SNX25: variants seen among roughly 807,000 people sequenced by gnomAD.
SNX25 encodes the protein sorting nexin 25.
Under a neutral mutation model 113.7 loss-of-function variants are expected in SNX25, and 62 were observed. The observed-to-expected ratio is 0.55, with a 90% CI of 0.44 to 0.67. SNX25 has a LOEUF of 0.67. SNX25 is among the 30% of genes least tolerant of loss of function. SNX25 has a pLI of 0.00. For synonymous variants in SNX25, 421 were observed against 436.2 expected (o/e 0.97, Z 0.43); for missense variants, 1,014 against 1,161.0 (o/e 0.87, Z 1.84).
chr4:185,275,367 A>G (rs978943798), intron 5 of SNX25, among the ~76,000 whole-genome samples: 1 of 152,236 alleles, frequency 6.6e-6, no homozygotes, highest in African/African-American at 2.4e-5. Flanking sequence ...TCTAATACAT[A>G]GATAATACAT....
chr4:185,214,251 C>A (rs1397269222), intron 1 of SNX25, among the ~76,000 whole-genome samples: 1 of 151,926 alleles, frequency 6.6e-6, no homozygotes, highest in African/African-American at 2.4e-5. Context: ...AGGGCTGATA[C>A]AAGAAGTCCA....
chr4:185,241,022 C>T (rs1743855313), intron 1 of SNX25, among the ~76,000 whole-genome samples: 1 of 150,466 alleles, frequency 6.6e-6, no homozygotes, highest in African/African-American at 2.4e-5. Context: ...AGGCTCCTCA[C>T]ATCCCAGACG....
chr4:185,275,647 G>C (rs544135260), intron 5 of SNX25, among the ~76,000 whole-genome samples: 1 of 152,258 alleles, frequency 6.6e-6, no homozygotes, highest in East Asian at 1.9e-4. Flanking sequence ...TGAATGTTCA[G>C]TGTTTTGAAC....
Position 185,209,707 on chromosome 4 carries a change from G to A in SNX25, c.-120G>A. 1.0e-6 allele frequency: 1 copy of A among 982,408 alleles called. No individual in the cohort carries two copies. Among genetic ancestry groups the A allele is most frequent in the Non-Finnish European group, 1.2e-6 (1 of 827,758 alleles). The allele number at this position is 982,408 out of a possible 1,614,324, so 60.9% of individuals were successfully genotyped here. A position where few individuals can be genotyped will look rare whatever the true frequency, so the allele number is the denominator to read the frequency against. On this transcript the variant is annotated 5_prime_UTR_variant, in exon 1 of 19. Transcript: ENST00000652585. This position sits in a 1 kb window ranked among gnomAD's most constrained non-coding sequence, Gnocchi z 5.2. Reference sequence around the variant, plus strand: ...GAGAGGGGCCCGGCGGCGTCTGCGGGGGCCGCTCCCTCGGTGGGCCGCGGG... The same window carrying A: ...GAGAGGGGCCCGGCGGCGTCTGCGGAGGCCGCTCCCTCGGTGGGCCGCGGG...
At chr4:185,239,313 C>A (rs1743189955) in intron 1 of SNX25, among the ~76,000 whole-genome samples, 1 of 151,936 alleles carries the variant, frequency 6.6e-6, no homozygotes, top group South Asian at 2.1e-4. Flanking sequence ...GAAACTCCGT[C>A]TCTACTAAAA....
At chr4:185,342,220 C>G in intron 12 of SNX25, 104 bp downstream of exon 12, 3 of 1,299,726 alleles carry the variant, frequency 2.3e-6, no homozygotes, top group Non-Finnish European at 2.0e-6. Context: ...GCTGTTGATA[C>G]TGGCACAGTG....
At position 185,262,661 on chromosome 4, in the gene SNX25, C is replaced by T. The variant is rs577358482; in HGVS notation, c.732-1777C>T. ...TTAATTTTCTCATCTATAGAATACA[C>T]GTGATGATGTCTACTTTTTGGTGTA... is the stretch of plus-strand genomic sequence containing the variant. On this transcript the variant is annotated intron_variant, in intron 3 of 18. Coordinates refer to ENST00000652585, the MANE Select transcript of SNX25 (RefSeq NM_001378034.2). 2.6e-5 allele frequency among the ~76,000 whole-genome samples: 4 copies of T among 152,282 alleles called. No homozygotes were observed. In the East Asian group the frequency reaches 7.7e-4, roughly 29 times the overall value.
At chr4:185,315,596 A>C (rs1326599903) in intron 7 of SNX25, among the ~76,000 whole-genome samples, 2 of 152,142 alleles carry the variant, frequency 1.3e-5, no homozygotes, top group African/African-American at 4.8e-5. Flanking sequence ...GTCTGGCCTC[A>C]CTGGTAAATT....
At chr4:185,242,530 T>C (rs756065893) in intron 1 of SNX25, among the ~76,000 whole-genome samples, 16 of 152,242 alleles carry the variant, frequency 1.1e-4, no homozygotes, top group African/African-American at 1.7e-4. Context: ...TACTGGTTTA[T>C]TGTAGAAGAT....
intron 3 of SNX25, among the ~76,000 whole-genome samples, chr4:185,261,357 A>G (rs887290374): frequency 1.1e-4 from 17 of 151,898 alleles, no homozygotes; most frequent in Non-Finnish European, 7.4e-5. Flanking sequence ...TTGTATTTTT[A>G]GTAGAGATGG....
At chr4:185,230,732 C>T (rs781521823) in intron 1 of SNX25, among the ~76,000 whole-genome samples, 6 of 152,014 alleles carry the variant, frequency 3.9e-5, no homozygotes, top group Non-Finnish European at 8.8e-5. Context: ...AGGACCAGTT[C>T]GCAGTGTTTC....
intron 5 of SNX25, among the ~76,000 whole-genome samples, chr4:185,285,716 T>C (rs1751252312): frequency 6.6e-6 from 1 of 152,174 alleles, no homozygotes. Context: ...TGGTTCATGA[T>C]GTAATTGGAA....
At chr4:185,310,912 T>C (rs912539824) in intron 7 of SNX25, 96 bp downstream of exon 7, 16 of 1,200,554 alleles carry the variant, frequency 1.3e-5, no homozygotes, top group Middle Eastern at 2.9e-4. Context: ...AGTATTGAAC[T>C]TAGACATGTG....
chr4:185,210,448 T>G lies in SNX25; in HGVS notation c.429+193T>G, dbSNP rs1466948346. On this transcript the variant is annotated intron_variant, in intron 1 of 18. Transcript: ENST00000652585. This position sits in a 1 kb window ranked among gnomAD's most constrained non-coding sequence, Gnocchi z 4.4. ...CGCCCGCGCGCGGCGGGCTCCGGGC[T>G]CCGGGCTCCGCGCTCCGCGGTGCTG... Among the ~76,000 whole-genome samples, 1 of 151,846 alleles carries G rather than the reference T, an allele frequency of 6.6e-6. No homozygotes were observed. Among genetic ancestry groups the G allele is most frequent in the African/African-American group, 2.4e-5 (1 of 41,408 alleles).
chr4:185,311,851 G>T (rs1488082163), intron 7 of SNX25, among the ~76,000 whole-genome samples: 1 of 152,166 alleles, frequency 6.6e-6, no homozygotes, highest in Admixed American at 6.5e-5. Context: ...ATACGCCAGG[G>T]TTCTACAGCA....
chr4:185,289,185 A>C (rs868252565), intron 6 of SNX25, among the ~76,000 whole-genome samples: 2 of 152,228 alleles, frequency 1.3e-5, no homozygotes, highest in Middle Eastern at 3.2e-3. Context: ...CTGAGCACCT[A>C]CTGAGTGATA....
intron 16 of SNX25, among the ~76,000 whole-genome samples, chr4:185,360,601 T>C (rs1031128): frequency 0.39 from 58,722 of 151,912 alleles, 13,556 homozygotes; most frequent in African/African-American, 0.66. Context: ...TTGGGCTCTT[T>C]GAACTGTGTG....
intron 1 of SNX25, among the ~76,000 whole-genome samples, chr4:185,239,697 TC>T (rs1371731385): frequency 6.6e-6 from 1 of 151,640 alleles, no homozygotes; most frequent in Non-Finnish European, 1.5e-5. Flanking sequence ...TGCTTTGCTT[TC>T]TTTTTTTTTG....
At chr4:185,309,293 T>C (rs1754917259) in intron 6 of SNX25, among the ~76,000 whole-genome samples, 1 of 152,202 alleles carries the variant, frequency 6.6e-6, no homozygotes, top group African/African-American at 2.4e-5. Flanking sequence ...GCCCTTGGTC[T>C]TTTATGATCT....
Sources: allele counts gnomAD v4.1 joint callset (sites outside exome capture counted in the v4.1 genomes callset), GRCh38; gene constraint gnomAD v4.1.1; non-coding constraint Gnocchi (gnomAD v3.1); transcripts MANE v1.5; gene names NCBI Gene and HGNC (gene_info 2026-07-23, HGNC 2026-07-21).